Variants in ANKRD17 observed in about 807,000 individuals in gnomAD.
ANKRD17 encodes ankyrin repeat domain 17.
In ANKRD17, 19 loss-of-function variants were observed where a neutral mutation model predicts 229.7. That is an observed-to-expected ratio of 0.08 (90% CI 0.06 to 0.12). ANKRD17 has a LOEUF of 0.12. ANKRD17 is among the 10% of genes least tolerant of loss of function. The probability of loss-of-function intolerance (pLI) is 1.00; values close to 1 mark genes in which losing one functional copy is unlikely to be tolerated. For synonymous variants in ANKRD17, 1,112 were observed against 1,146.1 expected, an observed-to-expected ratio of 0.97 and a Z score of 0.60; for missense variants, 2,176 against 3,176.8, an observed-to-expected ratio of 0.68 and a Z score of 7.57.
At chr4:73,087,245 C>T (rs189871323) in intron 29 of ANKRD17, among the ~76,000 whole-genome samples, 11 of 151,708 alleles carry the variant, frequency 7.3e-5, no homozygotes, top group Non-Finnish European at 8.8e-5. Context: ...GCCACCACAC[C>T]CAGCTTTTTT....
chr4:73,213,203 T>A (rs1409293419), intron 1 of ANKRD17, among the ~76,000 whole-genome samples: 1 of 152,040 alleles, frequency 6.6e-6, no homozygotes, highest in South Asian at 2.1e-4. Context: ...GCTGAACATA[T>A]GACAAGGACT....
chr4:73,130,685 A>T (rs975633076), intron 16 of ANKRD17, among the ~76,000 whole-genome samples: 4 of 151,966 alleles, frequency 2.6e-5, no homozygotes, highest in African/African-American at 9.7e-5. Context: ...GCGGCCTCAG[A>T]ATAAAAACAA....
At chr4:73,158,152 A>AAAAGAAAGAAGAAAGAAAGAAAGAAAG (rs1553925347) in intron 3 of ANKRD17, among the ~76,000 whole-genome samples, 298 of 128,806 alleles carry the variant, frequency 2.3e-3, no homozygotes, top group Middle Eastern at 3.9e-3. Flanking sequence ...GAAAGGAAGA[A>AAAAGAAAGAAGAAAGAAAGAAAGAAAG]AAAGAAAGAA....
intron 1 of ANKRD17, among the ~76,000 whole-genome samples, chr4:73,189,403 G>GTTTTTTTTTT (rs763345325): frequency 2.7e-5 from 3 of 112,700 alleles, no homozygotes; most frequent in African/African-American, 7.0e-5. Context: ...TGCCTGGAAT[G>GTTTTTTTTTT]TTTTTTTTTT....
At chr4:73,139,495 C>G in intron 15 of ANKRD17, 36 bp downstream of exon 15, 1 of 1,556,638 alleles carries the variant, frequency 6.4e-7, no homozygotes, top group Non-Finnish European at 8.7e-7. Context: ...TTAAGCAAAT[C>G]ATATTTGATA....
At chr4:73,216,450 T>G (rs1411959503) in intron 1 of ANKRD17, among the ~76,000 whole-genome samples, 3 of 152,184 alleles carry the variant, frequency 2.0e-5, no homozygotes, top group Non-Finnish European at 4.4e-5. Context: ...ATTGCTCTAA[T>G]AATCCCTGAC....
At chr4:73,163,029 C>CTT (rs769597979) in intron 2 of ANKRD17, among the ~76,000 whole-genome samples, 3 of 135,822 alleles carry the variant, frequency 2.2e-5, no homozygotes, top group South Asian at 2.4e-4. Context: ...TGGCTAATTG[C>CTT]TTTTTTTTTT....
chr4:73,160,040 T>G (rs190535738), intron 3 of ANKRD17, among the ~76,000 whole-genome samples: 1 of 152,076 alleles, frequency 6.6e-6, no homozygotes, highest in Admixed American at 6.5e-5. Context: ...TAAACCCAAA[T>G]AGAATATTCA....
intron 24 of ANKRD17, among the ~76,000 whole-genome samples, chr4:73,111,210 T>C (rs1247048285): frequency 6.6e-6 from 1 of 152,172 alleles, no homozygotes; most frequent in Non-Finnish European, 1.5e-5. Flanking sequence ...TTAGGCACAA[T>C]GAAAGATAAG....
intron 1 of ANKRD17, among the ~76,000 whole-genome samples, chr4:73,192,959 A>G (rs1160932661): frequency 6.6e-6 from 1 of 152,140 alleles, no homozygotes; most frequent in Non-Finnish European, 1.5e-5. Context: ...TTATTGAAGT[A>G]TACTTTAGAG....
intron 1 of ANKRD17, among the ~76,000 whole-genome samples, chr4:73,195,128 T>C (rs1326284356): frequency 1.3e-5 from 2 of 152,006 alleles, no homozygotes; most frequent in Non-Finnish European, 2.9e-5. Context: ...GTGATTATAA[T>C]TTTTTTTCTT....
intron 1 of ANKRD17, among the ~76,000 whole-genome samples, chr4:73,190,547 C>CAAAAA: frequency 1.4e-5 from 1 of 70,638 alleles, no homozygotes; most frequent in South Asian, 4.2e-4. Flanking sequence ...AAATGTCCTC[C>CAAAAA]AAAAAAAAAA....
At chr4:73,154,906 T>G (rs1277900666) in intron 5 of ANKRD17, among the ~76,000 whole-genome samples, 2 of 151,906 alleles carry the variant, frequency 1.3e-5, no homozygotes, top group African/African-American at 4.8e-5. Context: ...CCGGGCATAG[T>G]GGCAGGCGCC....
chr4:73,167,035 T>C (rs911628171), intron 2 of ANKRD17, among the ~76,000 whole-genome samples: 1 of 152,190 alleles, frequency 6.6e-6, no homozygotes, highest in African/African-American at 2.4e-5. Flanking sequence ...TTAAACACTC[T>C]TAATTTACAG....
intron 2 of ANKRD17, among the ~76,000 whole-genome samples, chr4:73,169,797 TG>T (rs1220091439): frequency 2.0e-5 from 3 of 152,204 alleles, no homozygotes; most frequent in Non-Finnish European, 4.4e-5. Context: ...GCCTTTGCAT[TG>T]AACTCAGTGC....
intron 3 of ANKRD17, 74 bp from the exon 4 acceptor site, chr4:73,156,240 G>A (rs1386504683): frequency 3.0e-5 from 44 of 1,485,300 alleles, no homozygotes; most frequent in Non-Finnish European, 3.9e-5. Flanking sequence ...TATTGTTTTT[G>A]ATTGTTTTGT....
At chr4:73,222,961 A>G (rs1421478955) in intron 1 of ANKRD17, 1 of 1,525,856 alleles carries the variant, frequency 6.6e-7, no homozygotes, top group Non-Finnish European at 8.8e-7. Flanking sequence ...TTCACTTACA[A>G]ACCTAGCCCT....
chr4:73,088,771 T>C (rs969516852), intron 29 of ANKRD17, among the ~76,000 whole-genome samples: 3 of 152,210 alleles, frequency 2.0e-5, no homozygotes, highest in Non-Finnish European at 4.4e-5. Context: ...AAAAATAACA[T>C]TGAGTTCCCA....
At chr4:73,121,509 T>G in intron 19 of ANKRD17, 108 bp downstream of exon 19, 1 of 1,363,888 alleles carries the variant, frequency 7.3e-7, no homozygotes. Flanking sequence ...GAATGCCAAA[T>G]TTGTAATAAA....
Sources: gnomAD v4.1 joint callset for allele counts (sites outside exome capture counted in the v4.1 genomes callset) on GRCh38, gnomAD v4.1.1 for gene constraint, MANE v1.5 for transcripts, NCBI Gene and HGNC (gene_info 2026-07-23, HGNC 2026-07-21) for gene names.